AHCYL2: variants seen among roughly 807,000 people sequenced by gnomAD.
The protein encoded by AHCYL2 is S-adenosylhomocysteine hydrolase-like protein 2.
In AHCYL2, 28 loss-of-function variants were observed where a neutral mutation model predicts 81.4. That is an observed-to-expected ratio of 0.34 (90% CI 0.25 to 0.47). AHCYL2 has a LOEUF of 0.47. Ranked by LOEUF, AHCYL2 falls within the 20% of genes least tolerant of loss-of-function variation. AHCYL2 has a pLI of 1.00. For missense variants in AHCYL2, 551 were observed against 785.1 expected (o/e 0.70, Z 3.56); for synonymous variants, 272 against 290.2 (o/e 0.94, Z 0.64).
chr7:129,366,361 A>C (rs6966595), intron 1 of AHCYL2, among the ~76,000 whole-genome samples: 50,350 of 152,004 alleles, frequency 0.33, 8,899 homozygotes, highest in African/African-American at 0.46. Flanking sequence ...CCTCTTCCAT[A>C]GATATTACCT....
Position 129,264,422 on chromosome 7 carries a change from G to A in AHCYL2, c.363+38983G>A, listed in dbSNP as rs532833352. ...TAAACCGGTATCGAGCTCACGGGAT[G>A]TAAAGAGTGTTATTAAAATGATGGT... On this transcript the variant is annotated intron_variant, in intron 1 of 16. Coordinates refer to ENST00000325006, the MANE Select transcript of AHCYL2 (RefSeq NM_015328.4). Among the ~76,000 whole-genome samples the A allele has an allele frequency of 7.7e-4, 118 of 152,312 alleles. No homozygotes were observed. The South Asian group carries it at 7.9e-3, about 10-fold the overall frequency.
chr7:129,317,088 G>C (rs1469826029), intron 1 of AHCYL2, among the ~76,000 whole-genome samples: 1 of 152,218 alleles, frequency 6.6e-6, no homozygotes, highest in Non-Finnish European at 1.5e-5. Flanking sequence ...CTTAGAGACA[G>C]TTCTGTTTCC....
chr7:129,284,009 A>G (rs1206595227), intron 1 of AHCYL2, among the ~76,000 whole-genome samples: 1 of 152,208 alleles, frequency 6.6e-6, no homozygotes, highest in Non-Finnish European at 1.5e-5. Context: ...TTTAAAAGAA[A>G]GCACTGTCCT....
chr7:129,417,630 A>G (rs1446179013), intron 12 of AHCYL2, among the ~76,000 whole-genome samples: 1 of 152,230 alleles, frequency 6.6e-6, no homozygotes, highest in Non-Finnish European at 1.5e-5. Context: ...TAAATGGTCC[A>G]GAAAAGGAGA....
intron 1 of AHCYL2, among the ~76,000 whole-genome samples, chr7:129,303,219 G>A (rs190631223): frequency 2.0e-5 from 3 of 152,204 alleles, no homozygotes; most frequent in East Asian, 1.9e-4. Context: ...GGCTGGTCTC[G>A]AACTCCCAAC....
chr7:129,405,327 T>A (rs1335747074), intron 8 of AHCYL2, 114 bp downstream of exon 8: 16 of 571,112 alleles, frequency 2.8e-5, no homozygotes, highest in Middle Eastern at 3.3e-4. Flanking sequence ...AATGTCTCCA[T>A]AAAGCCAGAG....
chr7:129,247,612 T>TC (rs1554469276), intron 1 of AHCYL2, among the ~76,000 whole-genome samples: 186 of 151,614 alleles, frequency 1.2e-3, no homozygotes, highest in East Asian at 2.1e-3. Context: ...ACTTTTTTTT[T>TC]CCCCCCAAGA....
chr7:129,233,106 C>T (rs547930777), intron 1 of AHCYL2, among the ~76,000 whole-genome samples: 43 of 152,214 alleles, frequency 2.8e-4, no homozygotes, highest in Non-Finnish European at 4.0e-4. Context: ...TATGCATAAT[C>T]AGCATTACCT....
At chr7:129,240,543 A>G (rs116315272) in intron 1 of AHCYL2, among the ~76,000 whole-genome samples, 1 of 152,134 alleles carries the variant, frequency 6.6e-6, no homozygotes, top group African/African-American at 2.4e-5. Flanking sequence ...AGTGAATGCT[A>G]CAAAGCCAGT....
chr7:129,275,479 A>G (rs1796168882), intron 1 of AHCYL2, among the ~76,000 whole-genome samples: 3 of 152,210 alleles, frequency 2.0e-5, no homozygotes, highest in Admixed American at 2.0e-4. Flanking sequence ...TGCAGTTTGT[A>G]AGAAATACAC....
chr7:129,423,015 C>T, intron 13 of AHCYL2, 77 bp downstream of exon 13: 1 of 1,222,710 alleles, frequency 8.2e-7, no homozygotes, highest in Non-Finnish European at 1.2e-6. Context: ...TCCTCATGTT[C>T]TCGAATACTT....
chr7:129,411,902 A>G (rs1170531690), intron 11 of AHCYL2, among the ~76,000 whole-genome samples: 1 of 152,148 alleles, frequency 6.6e-6, no homozygotes, highest in East Asian at 1.9e-4. Flanking sequence ...CCCATTCATT[A>G]ACTGGTAGAC....
chr7:129,397,196 C>T, intron 4 of AHCYL2, 26 bp from the exon 5 acceptor site: 3 of 1,601,102 alleles, frequency 1.9e-6, no homozygotes, highest in Non-Finnish European at 2.6e-6. Flanking sequence ...CAGGCTTGCT[C>T]ATACCCTGCT....
chr7:129,325,696 G>T (rs1218920568), intron 1 of AHCYL2, among the ~76,000 whole-genome samples: 2 of 151,150 alleles, frequency 1.3e-5, no homozygotes, highest in African/African-American at 4.9e-5. Context: ...AATGTTCTGG[G>T]TTTGTTTTAT....
chr7:129,260,228 C>T (rs1249622833), intron 1 of AHCYL2, among the ~76,000 whole-genome samples: 1 of 152,136 alleles, frequency 6.6e-6, no homozygotes, highest in African/African-American at 2.4e-5. Flanking sequence ...AGTTGTCATT[C>T]AGATCACAAC....
intron 1 of AHCYL2, chr7:129,351,420 G>A (rs181095545): frequency 5.9e-5 from 9 of 152,140 alleles, no homozygotes; most frequent in South Asian, 4.2e-4. Context: ...GCCTGATGAC[G>A]TCATCACACA....
intron 1 of AHCYL2, among the ~76,000 whole-genome samples, chr7:129,359,892 CTTAA>C (rs1019655914): frequency 1.3e-5 from 2 of 152,128 alleles, no homozygotes; most frequent in African/African-American, 4.8e-5. Flanking sequence ...CTTTGTATTA[CTTAA>C]TTGTTTATTT....
Position 129,286,048 on chromosome 7 carries a change from C to T in AHCYL2, c.363+60609C>T, listed in dbSNP as rs144508842. On this transcript the variant is annotated intron_variant, in intron 1 of 16. Transcript: ENST00000325006. ...TTTAAACCAGGGCCACCTTCCTACC[C>T]CCAACCTCCACCAAAAAGAAATTTT... is the stretch of plus-strand genomic sequence containing the variant. Among the ~76,000 whole-genome samples, 7 of 152,178 alleles carry T rather than the reference C, an allele frequency of 4.6e-5. No homozygotes were observed. In the East Asian group the frequency reaches 1.4e-3, roughly 29 times the overall value.
chr7:129,233,071 TA>T (rs1178553542), intron 1 of AHCYL2, among the ~76,000 whole-genome samples: 3 of 152,214 alleles, frequency 2.0e-5, no homozygotes, highest in Non-Finnish European at 2.9e-5. Context: ...TCAGTGTCAT[TA>T]AAAATTTATA....
Sources: allele counts gnomAD v4.1 joint callset (sites outside exome capture counted in the v4.1 genomes callset), GRCh38; gene constraint gnomAD v4.1.1; transcripts MANE v1.5; gene names NCBI Gene and HGNC (gene_info 2026-07-23, HGNC 2026-07-21).